The following ENTREP2 variants were observed in gnomAD, a reference collection of about 807,000 sequenced individuals.
The protein encoded by ENTREP2 is protein ENTREP2.
the ENTREP2 span, among the ~76,000 whole-genome samples, chr15:29,154,655 C>A: frequency 2.0e-5 from 3 of 152,194 alleles, no homozygotes; most frequent in African/African-American, 7.2e-5. Context: ...CGGGGAATGC[C>A]ACCCTCACTG....
At chr15:29,355,495 G>A in the ENTREP2 span, among the ~76,000 whole-genome samples, 306 of 139,586 alleles carry the variant, frequency 2.2e-3, no homozygotes, top group African/African-American at 9.4e-3. Context: ...AAGGGACAGA[G>A]TGATACAAAT....
At chr15:29,529,186 A>G in the ENTREP2 span, among the ~76,000 whole-genome samples, 1 of 1,084 alleles carries the variant, frequency 9.2e-4, no homozygotes, top group Admixed American at 0.011. Flanking sequence ...TGCAAGTGGC[A>G]GAGGGTCCAC....
At chr15:29,567,777 T>C in the ENTREP2 span, among the ~76,000 whole-genome samples, 1 of 152,236 alleles carries the variant, frequency 6.6e-6, no homozygotes, top group Admixed American at 6.5e-5. Flanking sequence ...GCTAATAATT[T>C]TGTTTCTTAA....
chr15:29,182,269 C>T, the ENTREP2 span, among the ~76,000 whole-genome samples: 1 of 151,802 alleles, frequency 6.6e-6, no homozygotes, highest in Admixed American at 6.6e-5. Flanking sequence ...GGACTACAGG[C>T]GCCCGCCACC....
At chr15:29,430,755 A>G in the ENTREP2 span, among the ~76,000 whole-genome samples, 2 of 152,142 alleles carry the variant, frequency 1.3e-5, no homozygotes, top group African/African-American at 2.4e-5. Context: ...TCGGTAAAAC[A>G]AGGCCTAATC....
At chr15:29,552,244 A>T in the ENTREP2 span, among the ~76,000 whole-genome samples, 3 of 152,214 alleles carry the variant, frequency 2.0e-5, no homozygotes. Flanking sequence ...GGGAGACAGA[A>T]GGGGAAATGT....
At chr15:29,637,287 G>T in the ENTREP2 span, among the ~76,000 whole-genome samples, 2 of 152,194 alleles carry the variant, frequency 1.3e-5, no homozygotes, top group Non-Finnish European at 2.9e-5. Flanking sequence ...AGTAGGGGGT[G>T]GCAATGACCA....
At chr15:29,481,201 G>A in the ENTREP2 span, among the ~76,000 whole-genome samples, 1 of 152,224 alleles carries the variant, frequency 6.6e-6, no homozygotes, top group African/African-American at 2.4e-5. Context: ...AGAAATCTGA[G>A]AGGCTCAGCA....
the ENTREP2 span, among the ~76,000 whole-genome samples, chr15:29,420,326 G>T: frequency 3.3e-5 from 5 of 152,178 alleles, no homozygotes; most frequent in Non-Finnish European, 5.9e-5. Context: ...CAAGCAAGGG[G>T]TCTATCCAGA....
At chr15:29,287,483 TGGCACAGCAATAGATAACCAA>T in the ENTREP2 span, among the ~76,000 whole-genome samples, 5 of 151,918 alleles carry the variant, frequency 3.3e-5, no homozygotes, top group Non-Finnish European at 7.4e-5. Flanking sequence ...AGGTGGCTTG[TGGCACAGCAATAGATAACCAA>T]AACACCATAC....
At chr15:29,358,793 CAAG>C in the ENTREP2 span, among the ~76,000 whole-genome samples, 1 of 150,522 alleles carries the variant, frequency 6.6e-6, no homozygotes, top group African/African-American at 2.4e-5. Flanking sequence ...CGTGTAAAAA[CAAG>C]AAGATAAAAA....
chr15:29,614,947 A>G, the ENTREP2 span, among the ~76,000 whole-genome samples: 2 of 151,918 alleles, frequency 1.3e-5, no homozygotes, highest in Non-Finnish European at 2.9e-5. Flanking sequence ...AAGGAAGAGG[A>G]TGGGATTTTC....
At chr15:29,564,567 A>G in the ENTREP2 span, among the ~76,000 whole-genome samples, 11 of 152,298 alleles carry the variant, frequency 7.2e-5, no homozygotes, top group East Asian at 2.1e-3. Context: ...AGGTCCACAC[A>G]CAGTTAGTTG....
At chr15:29,378,661 G>C in the ENTREP2 span, among the ~76,000 whole-genome samples, 72 of 152,122 alleles carry the variant, frequency 4.7e-4, 1 homozygote, top group Non-Finnish European at 4.7e-4. Context: ...CAGCCTGCGG[G>C]CCAGCACTGC....
At chr15:29,517,227 G>A in the ENTREP2 span, among the ~76,000 whole-genome samples, 3 of 152,110 alleles carry the variant, frequency 2.0e-5, no homozygotes, top group Non-Finnish European at 4.4e-5. Flanking sequence ...AGCCACGGGA[G>A]GGAAATGATA....
the ENTREP2 span, among the ~76,000 whole-genome samples, chr15:29,343,835 T>G: frequency 6.6e-6 from 1 of 152,058 alleles, no homozygotes; most frequent in African/African-American, 2.4e-5. Flanking sequence ...AAAATCAACT[T>G]TTAGGTATAA....
the ENTREP2 span, among the ~76,000 whole-genome samples, chr15:29,217,507 C>A: frequency 6.6e-6 from 1 of 152,152 alleles, no homozygotes; most frequent in Non-Finnish European, 1.5e-5. Flanking sequence ...ACCTTGTCTT[C>A]AAGCTCTGAA....
At chr15:29,134,023 A>C in the ENTREP2 span, among the ~76,000 whole-genome samples, 1 of 151,950 alleles carries the variant, frequency 6.6e-6, no homozygotes, top group Non-Finnish European at 1.5e-5. Context: ...ATGCCCACCC[A>C]GCCTGACCTC....
chr15:29,276,598 G>T, the ENTREP2 span, among the ~76,000 whole-genome samples: 4 of 152,176 alleles, frequency 2.6e-5, no homozygotes, highest in Admixed American at 2.6e-4. Flanking sequence ...AGCCACTTGT[G>T]CCCTTGCTTC....
Sources: gnomAD v4.1 joint callset for allele counts (sites outside exome capture counted in the v4.1 genomes callset) on GRCh38, gnomAD v4.1.1 for gene constraint, MANE v1.5 for transcripts, NCBI Gene and HGNC (gene_info 2026-07-23, HGNC 2026-07-21) for gene names.